Variants in ZNF83 observed in about 807,000 individuals in gnomAD.
The protein encoded by ZNF83 is zinc finger protein 816B.
For missense variants in ZNF83, 552 were observed against 629.9 expected, an observed-to-expected ratio of 0.88 and a Z score of 1.32; for synonymous variants, 209 against 213.0, an observed-to-expected ratio of 0.98 and a Z score of 0.17.
chr19:52,613,387 C>T (rs2060175603), exon 3 of ZNF83: 1 of 1,613,576 alleles, frequency 6.2e-7, no homozygotes, highest in Non-Finnish European at 8.5e-7. Context: ...AGTATGGATT[C>T]TGTGATGTTG....
At chr19:52,654,615 G>A (rs12981759) in intron 3 of ZNF83, among the ~76,000 whole-genome samples, 16,895 of 152,084 alleles carry the variant, frequency 0.11, 1,076 homozygotes, top group African/African-American at 0.16. Context: ...TACTCAGGAC[G>A]CTGAGGCAGG....
intron 2 of ZNF83, among the ~76,000 whole-genome samples, chr19:52,615,444 A>G (rs1568528707): frequency 6.6e-6 from 1 of 152,162 alleles, no homozygotes; most frequent in Non-Finnish European, 1.5e-5. Context: ...AGACACAGCA[A>G]GAAGCAGGTT....
chr19:52,652,815 A>AT, intron 3 of ZNF83: 1 of 915,862 alleles, frequency 1.1e-6, no homozygotes, highest in Non-Finnish European at 1.7e-6. Context: ...ACTTATAAGG[A>AT]TTTTCTCCAG....
At chr19:52,679,045 T>C (rs8110016) in intron 1 of ZNF83, among the ~76,000 whole-genome samples, 92,800 of 151,710 alleles carry the variant, frequency 0.61, 29,101 homozygotes, top group African/African-American at 0.74. Context: ...CTTAATAAGA[T>C]TGATGAAAAC....
intron 2 of ZNF83, among the ~76,000 whole-genome samples, chr19:52,630,225 C>T (rs968008250): frequency 1.3e-5 from 2 of 152,238 alleles, no homozygotes; most frequent in African/African-American, 4.8e-5. Context: ...CTTCCCAGAT[C>T]TTCTTGGCTT....
At chr19:52,631,962 C>A (rs2060983492) in intron 2 of ZNF83, among the ~76,000 whole-genome samples, 1 of 141,460 alleles carries the variant, frequency 7.1e-6, no homozygotes, top group African/African-American at 2.6e-5. Context: ...ACACATCAAG[C>A]TCGAGGATTT....
intron 1 of ZNF83, among the ~76,000 whole-genome samples, chr19:52,670,156 G>A (rs946997994): frequency 1.3e-5 from 2 of 151,162 alleles, no homozygotes; most frequent in African/African-American, 4.9e-5. Context: ...GCTCCACCCT[G>A]CCTCATTCCA....
At chr19:52,626,854 A>G (rs80207492) in intron 2 of ZNF83, among the ~76,000 whole-genome samples, 2 of 152,084 alleles carry the variant, frequency 1.3e-5, no homozygotes, top group East Asian at 3.9e-4. Context: ...ACACTTCACT[A>G]TTTTGTTTTA....
At chr19:52,663,008 CA>C (rs2147284331) in intron 1 of ZNF83, among the ~76,000 whole-genome samples, 1 of 151,918 alleles carries the variant, frequency 6.6e-6, no homozygotes, top group East Asian at 1.9e-4. Context: ...ATGAAAAGTA[CA>C]AAAAATAGCC....
chr19:52,623,089 G>T (rs1038810195), intron 2 of ZNF83, among the ~76,000 whole-genome samples: 1 of 152,194 alleles, frequency 6.6e-6, no homozygotes, highest in Non-Finnish European at 1.5e-5. Context: ...CCCAAGCCAC[G>T]TCCCATCTGT....
At chr19:52,683,261 T>G (rs2061955095) in intron 1 of ZNF83, among the ~76,000 whole-genome samples, 1 of 91,524 alleles carries the variant, frequency 1.1e-5, no homozygotes. Context: ...TGTGTGTGTG[T>G]GTGTGTGTGT....
chr19:52,681,774 G>T (rs988091837), intron 1 of ZNF83, among the ~76,000 whole-genome samples: 1 of 152,134 alleles, frequency 6.6e-6, no homozygotes, highest in African/African-American at 2.4e-5. Context: ...TAGGTTCAAG[G>T]GTAAGAACAT....
intron 1 of ZNF83, among the ~76,000 whole-genome samples, chr19:52,680,789 T>C (rs996684927): frequency 7.7e-4 from 112 of 144,906 alleles, no homozygotes; most frequent in African/African-American, 2.8e-3. Context: ...ATTTTTTGTA[T>C]TTTTAGTAGA....
rs1338680605 is a variant in ZNF83 at position 52,687,577 on chromosome 19, TTTA to T, written c.-283+2863_-283+2865del. 5.7e-5 allele frequency among the ~76,000 whole-genome samples: 2 copies of T among 35,012 alleles called. 1 individual carries two copies. The highest frequency in any genetic ancestry group is 9.8e-5 in the Non-Finnish European group (2 of 20,502). 23.0% of individuals were successfully genotyped at this position (35,012 alleles called of 152,430 possible). Reference sequence around the variant, plus strand: ...GTGTAAATTTTATATATATATAAATTTTATATATATATATATATAATGTATATA... The same window carrying T: ...GTGTAAATTTTATATATATATAAATTTATATATATATATATAATGTATATA... On this transcript the variant is annotated intron_variant, in intron 1 of 5. Coordinates refer to the ZNF83 transcript ENST00000594682.
chr19:52,645,306 CT>C (rs1275666332), intron 3 of ZNF83, among the ~76,000 whole-genome samples: 1 of 152,118 alleles, frequency 6.6e-6, no homozygotes, highest in Non-Finnish European at 1.5e-5. Flanking sequence ...ATAATAAAGA[CT>C]AGAAAGCATG....
intron 1 of ZNF83, among the ~76,000 whole-genome samples, chr19:52,673,999 G>C (rs1156984265): frequency 2.3e-5 from 3 of 128,914 alleles, no homozygotes; most frequent in Non-Finnish European, 3.1e-5. Context: ...CTGGGTAACA[G>C]AGTGAGACTC....
chr19:52,671,938 A>C (rs763467972), intron 1 of ZNF83, among the ~76,000 whole-genome samples: 2 of 152,140 alleles, frequency 1.3e-5, no homozygotes, highest in Non-Finnish European at 1.5e-5. Flanking sequence ...AAATATAACT[A>C]AGTTATAAAA....
At chr19:52,619,795 G>A (rs1379991003) in intron 2 of ZNF83, among the ~76,000 whole-genome samples, 2 of 152,178 alleles carry the variant, frequency 1.3e-5, no homozygotes, top group East Asian at 3.9e-4. Flanking sequence ...GCTGAGGCCG[G>A]AGACTTGCTT....
At chr19:52,612,845 A>G (rs559722737) in exon 3 of ZNF83, 1 of 576,304 alleles carries the variant, frequency 1.7e-6, no homozygotes, top group East Asian at 3.0e-5. Flanking sequence ...ACCTTGCCAC[A>G]TTCAGTACAT....
Sources: gnomAD v4.1 joint callset for allele counts (sites outside exome capture counted in the v4.1 genomes callset) on GRCh38, gnomAD v4.1.1 for gene constraint, MANE v1.5 for transcripts, NCBI Gene and HGNC (gene_info 2026-07-23, HGNC 2026-07-21) for gene names.